GARS1: variants seen among roughly 807,000 people sequenced by gnomAD.
GARS1 encodes the protein glycyl-tRNA synthetase 1, also known as glycine--tRNA ligase.
GARS1 carries 46 observed loss-of-function variants against 86.4 expected under a neutral mutation model. That is an observed-to-expected ratio of 0.53 (90% CI 0.42 to 0.68). The LOEUF (loss-of-function observed/expected upper bound fraction) is 0.68, where lower values mean the gene tolerates loss of function less well. GARS1 is among the 30% of genes least tolerant of loss of function. The pLI is 0.00. For synonymous variants in GARS1, 342 were observed against 329.8 expected (o/e 1.04, Z -0.40); for missense variants, 797 against 915.6 (o/e 0.87, Z 1.67).
chr7:30,600,046 G>C lies in GARS1; in HGVS notation c.424G>C (p.Gly142Arg). The C allele has an allele frequency of 6.2e-6, 10 of 1,601,116 alleles. No individual in the cohort carries two copies. Among genetic ancestry groups the C allele is most frequent in the Non-Finnish European group, 8.6e-6 (10 of 1,168,222 alleles). Residue 142 changes from glycine to arginine, a missense_variant, in exon 3 of 17, where the codon GGA becomes CGA. Physicochemically the swap from Gly to Arg is moderately radical, Grantham distance 125 (BLOSUM62 -2). Coordinates refer to ENST00000389266, the MANE Select transcript of GARS1 (RefSeq NM_002047.4). The stretch of plus-strand genomic sequence containing the variant: ...CTATGATCAAGCTTTTGCTATTTAT[G>C]GAGGTAAGGGATTAATGACAAAAAG... ...FFYDQAFAIY[G>R]GVSGLYDFGP...
chr7:30,625,475 T>C (rs895148386), intron 12 of GARS1, among the ~76,000 whole-genome samples: 1 of 152,204 alleles, frequency 6.6e-6, no homozygotes, highest in Admixed American at 6.5e-5. Flanking sequence ...ATCCAGCTTC[T>C]GAGACAACCA....
upstream of GARS1, chr7:30,594,809 T>C (rs1791200537): frequency 1.1e-6 from 1 of 915,740 alleles, no homozygotes; most frequent in Admixed American, 2.4e-5. Flanking sequence ...GTGGTGAATG[T>C]GCGGCAGCAC....
intron 7 of GARS1, among the ~76,000 whole-genome samples, 173 bp from the exon 8 acceptor site, chr7:30,611,923 A>G (rs1175068528): frequency 1.3e-5 from 2 of 152,260 alleles, no homozygotes; most frequent in Non-Finnish European, 2.9e-5. Context: ...AATACGTGCT[A>G]TGAAAATGTT....
At chr7:30,597,961 A>G (rs1232256211) in intron 1 of GARS1, among the ~76,000 whole-genome samples, 2 of 152,236 alleles carry the variant, frequency 1.3e-5, no homozygotes, top group Non-Finnish European at 2.9e-5. Flanking sequence ...GAATTAGTAT[A>G]AGTTGTTGGA....
Position 30,594,979 on chromosome 7 carries a change from C to A in GARS1, c.58C>A (p.Leu20Met). The A allele has an allele frequency of 6.3e-7, 1 of 1,594,918 alleles. No homozygotes were observed. The highest frequency in any genetic ancestry group is 1.1e-5 in the South Asian group (1 of 90,104). ...RGARAALLLL[L>M]PPRLLARPSL... ...TGCTCGCGCCGCTCTGCTGCTGCTG[C>A]TGCCGCCCCGGCTCTTAGCCCGACC... is the stretch of plus-strand genomic sequence containing the variant. The change falls in exon 1 of 17, where the codon CTG (leucine) becomes ATG (methionine). Residue 20 changes from leucine (L) to methionine (M), a missense_variant. Leu to Met is a conservative substitution (Grantham distance 15, BLOSUM62 2). Around this residue, in one of 2 missense-constraint regions of GARS1, gnomAD observed 199 missense variants for 176.9 expected, o/e 1.12. Transcript: ENST00000389266.
chr7:30,603,549 G>A lies in GARS1; in HGVS notation c.712G>A (p.Glu238Lys). Residue 238 changes from glutamate (E) to lysine (K), a missense_variant, in exon 6 of 17, where the codon GAA becomes AAA. Glu to Lys is a moderately conservative substitution (Grantham distance 56, BLOSUM62 1). This residue lies in a region of GARS1 where 598 missense variants were observed against 738.7 expected (regional missense o/e 0.81). Coordinates refer to ENST00000389266, the MANE Select transcript of GARS1 (RefSeq NM_002047.4). ...DKKCSVEKKS[E>K]MESVLAQLDN... ...GAAGTGTTCTGTCGAAAAGAAATCA[G>A]AAATGGAAAGTGTTTTGGCCCAGGT... 1 of 1,613,858 alleles carries A rather than the reference G, an allele frequency of 6.2e-7. No homozygotes were observed. Among genetic ancestry groups the A allele is most frequent in the South Asian group, 1.1e-5 (1 of 91,072 alleles).
chr7:30,594,940 G>C lies in GARS1; in HGVS notation c.19G>C (p.Val7Leu), dbSNP rs201132307. The change falls in exon 1 of 17, where the codon GTG (valine) becomes CTG (leucine). Residue 7 changes from valine (V) to leucine (L), a missense_variant. Around this residue, in one of 2 missense-constraint regions of GARS1, gnomAD observed 199 missense variants for 176.9 expected, o/e 1.12. Coordinates refer to ENST00000389266, the MANE Select transcript of GARS1 (RefSeq NM_002047.4). Reference sequence around the variant, plus strand: ...CAGGCTCATGCCCTCTCCGCGTCCAGTGCTGCTTAGAGGTGCTCGCGCCGC... The same window carrying C: ...CAGGCTCATGCCCTCTCCGCGTCCACTGCTGCTTAGAGGTGCTCGCGCCGC... MPSPRP[V>L]LLRGARAALL... 1 of 1,594,842 alleles carries C rather than the reference G, an allele frequency of 6.3e-7. No homozygotes were observed. The highest frequency in any genetic ancestry group is 8.5e-7 in the Non-Finnish European group (1 of 1,177,702).
In GARS1 at chr7:30,612,167, A is replaced by G; in HGVS notation, c.953A>G (p.Lys318Arg). 6.2e-7 allele frequency: 1 copy of G among 1,614,130 alleles called. No individual in the cohort carries two copies. The highest frequency in any genetic ancestry group is 8.5e-7 in the Non-Finnish European group (1 of 1,179,974). ...CGACTTTTGGAGTTCAACCAAGGAA[A>G]GTTGCCTTTTGCTGCTGCCCAGATT... ...FKRLLEFNQG[K>R]LPFAAAQIGN... Residue 318 changes from lysine to arginine, a missense_variant, in exon 8 of 17, where the codon AAG (lysine) becomes AGG (arginine). Lys to Arg is a conservative substitution (Grantham distance 26, BLOSUM62 2). Transcript: ENST00000389266.
At chr7:30,598,703 A>G (rs1038320669) in intron 1 of GARS1, 93 bp from the exon 2 acceptor site, 2 of 1,065,680 alleles carry the variant, frequency 1.9e-6, no homozygotes, top group East Asian at 2.5e-5. Context: ...TCATTCTTAC[A>G]TAGACTTTTT....
chr7:30,609,461 T>C (rs1791550430), intron 6 of GARS1, 124 bp from the exon 7 acceptor site: 3 of 789,032 alleles, frequency 3.8e-6, no homozygotes, highest in East Asian at 4.9e-5. Context: ...AAGGTTAGGT[T>C]AATTGTGATG....
chr7:30,609,204 A>G (rs1791544259), intron 6 of GARS1, among the ~76,000 whole-genome samples: 8 of 152,228 alleles, frequency 5.3e-5, no homozygotes. Flanking sequence ...GATCTTTAAA[A>G]TACAGAGAAA....
rs192956854 is a variant in GARS1, at chr7:30,622,560, G to A, written c.1613+98G>A. ...GATTAATTTCTTAAGATTTTTTGCA[G>A]GTAAGTACTGTATCTTGGCTGCATT... On this transcript the variant is annotated intron_variant, in intron 12 of 16. Transcript: ENST00000389266. The A allele has an allele frequency of 9.7e-3, 13,613 of 1,407,378 alleles. 105 individuals are homozygous for A. Among genetic ancestry groups the A allele is most frequent in the Non-Finnish European group, 0.012 (11,745 of 996,174 alleles). The allele number at this position is 1,407,378 out of a possible 1,614,324, so 87.2% of individuals were successfully genotyped here. A position where few individuals can be genotyped will look rare whatever the true frequency, so the allele number is the denominator to read the frequency against.
intron 9 of GARS1, 100 bp downstream of exon 9, chr7:30,616,158 G>T: frequency 7.5e-7 from 1 of 1,337,574 alleles, no homozygotes; most frequent in Non-Finnish European, 1.1e-6. Context: ...TTTTATTTTG[G>T]CAGTCATTTG....
chr7:30,633,621 G>A (rs1180325629), intron 16 of GARS1, 114 bp from the exon 17 acceptor site: 10 of 1,278,894 alleles, frequency 7.8e-6, no homozygotes, highest in Non-Finnish European at 1.1e-5. Flanking sequence ...ATGAACCCAT[G>A]CCTGGCATGA....
chr7:30,605,778 G>A (rs1483240370), intron 6 of GARS1, among the ~76,000 whole-genome samples: 1 of 152,016 alleles, frequency 6.6e-6, no homozygotes, highest in African/African-American at 2.4e-5. Flanking sequence ...AAAAATAAAG[G>A]ATTTAAAAAA....
At chr7:30,607,466 A>G (rs1278984439) in intron 6 of GARS1, among the ~76,000 whole-genome samples, 1 of 140,200 alleles carries the variant, frequency 7.1e-6, no homozygotes, top group Non-Finnish European at 1.5e-5. Flanking sequence ...CAAACACTGC[A>G]TGTTCTCACT....
At position 30,603,512 on chromosome 7, in the gene GARS1, G is replaced by A. The variant is rs369203473; in HGVS notation, c.675G>A (p.Leu225=). ...TTCTTACAGCTCATTTACAGAAATTGATGTCTGATAAGAAGTGTTCTGTCG... is the reference window on the plus strand; with the variant it reads ...TTCTTACAGCTCATTTACAGAAATTAATGTCTGATAAGAAGTGTTCTGTCG... The part of the protein sequence containing the change: ...DHLLKAHLQK[L]MSDKKCSVEK... Residue 225 remains leucine (L), a synonymous_variant, in exon 6 of 17, where the codon TTG becomes TTA. Transcript: ENST00000389266. The A allele has an allele frequency of 6.6e-5, 106 of 1,613,660 alleles. No homozygotes were observed. The African/African-American group carries it at 1.2e-3, about 19-fold the overall frequency.
intron 6 of GARS1, among the ~76,000 whole-genome samples, chr7:30,606,104 G>A (rs1791479927): frequency 6.6e-6 from 1 of 152,024 alleles, no homozygotes; most frequent in African/African-American, 2.4e-5. Context: ...GGTTACACAT[G>A]TTCATCTTTT....
rs762106233 is a variant in GARS1, at chr7:30,594,945, G to A, written c.24G>A (p.Leu8=). 2 of 1,595,352 alleles carry A rather than the reference G, an allele frequency of 1.3e-6. No homozygotes were observed. Among genetic ancestry groups the A allele is most frequent in the Middle Eastern group, 1.9e-4 (1 of 5,168 alleles). Residue 8 remains leucine (L), a synonymous_variant, in exon 1 of 17, where the codon CTG becomes CTA. Coordinates refer to ENST00000389266, the MANE Select transcript of GARS1 (RefSeq NM_002047.4). ...TCATGCCCTCTCCGCGTCCAGTGCT[G>A]CTTAGAGGTGCTCGCGCCGCTCTGC... MPSPRPV[L]LRGARAALLL... is the part of the protein sequence containing the mutation.
Sources: gnomAD v4.1 joint callset for allele counts (sites outside exome capture counted in the v4.1 genomes callset) on GRCh38, gnomAD v4.1.1 for gene constraint, gnomAD v4.1.1 regional missense constraint, MANE v1.5 for transcripts, NCBI Gene and HGNC (gene_info 2026-07-23, HGNC 2026-07-21) for gene names.